COQ6: variants seen among roughly 807,000 people sequenced by gnomAD.
COQ6 encodes ubiquinone biosynthesis monooxygenase COQ6, mitochondrial.
A neutral mutation model predicts 55.5 loss-of-function variants in COQ6; 45 were observed. The ratio of observed to expected loss-of-function variants is 0.81; its 90% CI spans 0.64 to 1.04. The LOEUF is 1.04. COQ6 is among the 50% of genes least tolerant of loss of function. The pLI, the probability that COQ6 is intolerant of heterozygous loss-of-function variation, is 0.00. For synonymous variants in COQ6, 206 were observed against 230.5 expected (o/e 0.89, Z 0.96); for missense variants, 550 against 601.3 (o/e 0.91, Z 0.89).
At chr14:73,954,687 C>T (rs1277538056) in intron 2 of COQ6, among the ~76,000 whole-genome samples, 2 of 151,034 alleles carry the variant, frequency 1.3e-5, no homozygotes, top group African/African-American at 2.4e-5. Flanking sequence ...ACTAAAAATA[C>T]AAAAAAATGA....
At chr14:73,962,154 GC>G (rs1353322192) in intron 11 of COQ6, among the ~76,000 whole-genome samples, 1 of 151,830 alleles carries the variant, frequency 6.6e-6, no homozygotes, top group Non-Finnish European at 1.5e-5. Context: ...CACCATGTTG[GC>G]CAAGCTGGTC....
chr14:73,957,350 G>T (rs754621778), intron 4 of COQ6, among the ~76,000 whole-genome samples: 2 of 152,174 alleles, frequency 1.3e-5, no homozygotes, highest in African/African-American at 2.4e-5. Flanking sequence ...CTCCCAAAGT[G>T]CTGGGATTAC....
chr14:73,959,255 A>C (rs969608411), intron 7 of COQ6, 31 bp downstream of exon 7: 1 of 1,614,164 alleles, frequency 6.2e-7, no homozygotes, highest in East Asian at 2.2e-5. Context: ...GTCCGCCCAC[A>C]TGCATGCAAG....
intron 2 of COQ6, 92 bp downstream of exon 2, chr14:73,953,661 C>T (rs1812407886): frequency 6.5e-7 from 1 of 1,540,228 alleles, no homozygotes; most frequent in Non-Finnish European, 9.0e-7. Context: ...GAGCATCTGA[C>T]AAGGAGGGAG....
Position 73,955,831 on chromosome 14 carries a change from GATA to G in COQ6, c.387_389del (p.Ile129del), listed in dbSNP as rs2140379817. On this transcript the variant is annotated inframe_deletion, in exon 4 of 12. Coordinates refer to ENST00000334571, the MANE Select transcript of COQ6 (RefSeq NM_182476.3). The stretch of plus-strand genomic sequence containing the variant: ...TGTGGGACGCCTGCTCAGAGGCCCT[GATA>G]ATGTTTGATAAGGATAATTTAGATG... The G allele has an allele frequency of 6.2e-7, 1 of 1,614,148 alleles. No homozygotes were observed. Among genetic ancestry groups the G allele is most frequent in the Non-Finnish European group, 8.5e-7 (1 of 1,180,028 alleles).
Position 73,959,497 on chromosome 14 carries a change from TTG to T in COQ6, c.869_870del (p.Val290GlyfsTer4). 4 of 1,614,166 alleles carry T rather than the reference TTG, an allele frequency of 2.5e-6. No homozygotes were observed. The highest frequency in any genetic ancestry group is 3.4e-6 in the Non-Finnish European group (4 of 1,180,038). On this transcript the variant is annotated frameshift_variant, in exon 8 of 12. Coordinates refer to ENST00000334571, the MANE Select transcript of COQ6 (RefSeq NM_182476.3). LOFTEE classifies it high-confidence loss of function. ...CTAGTTAGCATGGATGAGGAAAAAT[TTG>T]TGGATGCCGTTAACTCTGCCTTTGT...
At chr14:73,953,863 C>T in intron 2 of COQ6, 2 of 491,920 alleles carry the variant, frequency 4.1e-6, no homozygotes. Context: ...ATCATATGAA[C>T]TAATCATGAA....
At chr14:73,955,676 A>T (rs1048154129) in intron 3 of COQ6, 129 bp from the exon 4 acceptor site, 3 of 1,482,938 alleles carry the variant, frequency 2.0e-6, no homozygotes, top group Non-Finnish European at 2.8e-6. Flanking sequence ...TTCTCATTTT[A>T]TATTTTCCTA....
intron 11 of COQ6, 38 bp from the exon 12 acceptor site, chr14:73,962,932 T>G: frequency 6.6e-7 from 1 of 1,518,160 alleles, no homozygotes. Context: ...TTCACCTTAC[T>G]GTGTTAAGAG....
At chr14:73,950,746 T>G (rs1211596240) in intron 1 of COQ6, 2 of 566,188 alleles carry the variant, frequency 3.5e-6, no homozygotes, top group African/African-American at 3.7e-5. Context: ...CCGGGGTTAT[T>G]TATAAATGAG....
rs1290427342 is a variant in COQ6 at position 73,959,182 on chromosome 14, C to T, written c.741C>T (p.Ala247=). 1 of 1,614,232 alleles carries T rather than the reference C, an allele frequency of 6.2e-7. No individual in the cohort carries two copies. The highest frequency in any genetic ancestry group is 8.5e-7 in the Non-Finnish European group (1 of 1,180,048). ...TGCAGGCCACAGAAAACAACGTAGC[C>T]TGGCAGAGATTTCTTCCCTCTGGGC... ...HLSEATENNV[A]WQRFLPSGPI... Residue 247 remains alanine (A), a synonymous_variant, in exon 7 of 12, where the codon GCC becomes GCT. Transcript: ENST00000334571.
chr14:73,956,014 C>T (rs1171900249), intron 4 of COQ6, 86 bp downstream of exon 4: 9 of 1,577,652 alleles, frequency 5.7e-6, no homozygotes, highest in Non-Finnish European at 6.9e-6. Flanking sequence ...TTACAATATT[C>T]AGTGTCCACC....
chr14:73,962,658 A>G, intron 11 of COQ6: 1 of 283,904 alleles, frequency 3.5e-6, no homozygotes, highest in South Asian at 8.7e-5. Flanking sequence ...ATTTAAAGAT[A>G]TGTTTTTTCT....
rs1033687646 is a variant in COQ6, at chr14:73,950,597, G to C, written c.163+102G>C. On this transcript the variant is annotated intron_variant, in intron 1 of 11. Transcript: ENST00000334571. ...CGACTTGCCCAAAGACAATTTCTCA[G>C]GTCTCGCGACGCTTCTCCCCTCCCC... The C allele has an allele frequency of 8.8e-6, 13 of 1,470,654 alleles. No individual in the cohort carries two copies. In the South Asian group the frequency reaches 1.7e-4, roughly 19 times the overall value. The allele number at this position is 1,470,654 out of a possible 1,614,324, so 91.1% of individuals were successfully genotyped here. A position where few individuals can be genotyped will look rare whatever the true frequency, so the allele number is the denominator to read the frequency against.
At chr14:73,959,905 C>T (rs558192240) in intron 8 of COQ6, 2 of 1,197,556 alleles carry the variant, frequency 1.7e-6, no homozygotes, top group Admixed American at 8.1e-5. Context: ...AAGGAGTAAC[C>T]AGTCAGCTGT....
intron 11 of COQ6, 129 bp from the exon 12 acceptor site, chr14:73,962,841 A>G (rs1189185430): frequency 2.6e-6 from 2 of 769,438 alleles, no homozygotes; most frequent in Non-Finnish European, 4.5e-6. Flanking sequence ...ATGTATGTAT[A>G]TTTTTCTTTT....
intron 8 of COQ6, chr14:73,959,991 G>A (rs903835961): frequency 3.9e-6 from 4 of 1,034,744 alleles, no homozygotes; most frequent in Non-Finnish European, 4.7e-6. Flanking sequence ...CAAAACAATA[G>A]AAATAATAAA....
At chr14:73,953,722 G>C (rs1418709167) in intron 2 of COQ6, 153 bp downstream of exon 2, 4 of 964,692 alleles carry the variant, frequency 4.1e-6, no homozygotes, top group African/African-American at 1.6e-5. Context: ...CTAGGGCAGA[G>C]TTGAAGATGT....
At chr14:73,949,992 C>T, upstream of COQ6, 3 of 1,613,496 alleles carry the variant, frequency 1.9e-6, no homozygotes, top group Non-Finnish European at 2.5e-6. Context: ...CCCCTCCGCG[C>T]CTCCGGGGGC....
Sources: gnomAD v4.1 joint callset for allele counts (sites outside exome capture counted in the v4.1 genomes callset) on GRCh38, gnomAD v4.1.1 for gene constraint, MANE v1.5 for transcripts, NCBI Gene and HGNC (gene_info 2026-07-23, HGNC 2026-07-21) for gene names.